PAK4: variants seen among roughly 807,000 people sequenced by gnomAD.
The protein encoded by PAK4 is serine/threonine-protein kinase PAK 4.
Under a neutral mutation model 53.5 loss-of-function variants are expected in PAK4, and 49 were observed. That is an observed-to-expected ratio of 0.92 (90% CI 0.73 to 1.16). The LOEUF (loss-of-function observed/expected upper bound fraction) is 1.16. PAK4 is among the 50% of genes most tolerant of loss of function. The pLI, the probability that PAK4 is intolerant of heterozygous loss-of-function variation, is 0.00. For missense variants in PAK4, 824 were observed against 850.7 expected (o/e 0.97, Z 0.39); for synonymous variants, 376 against 375.6 (o/e 1.00, Z -0.01).
At chr19:39,132,916 GTGT>G (rs2073741378) in intron 1 of PAK4, among the ~76,000 whole-genome samples, 1 of 152,244 alleles carries the variant, frequency 6.6e-6, no homozygotes, top group Admixed American at 6.5e-5. Context: ...GGACAGCTTT[GTGT>G]TGTTGAAAGC....
intron 2 of PAK4, among the ~76,000 whole-genome samples, chr19:39,170,766 G>A (rs920651601): frequency 6.6e-6 from 1 of 152,240 alleles, no homozygotes; most frequent in Non-Finnish European, 1.5e-5. Flanking sequence ...GCCCACTGAG[G>A]GGTCCGTGTG....
At chr19:39,145,378 C>A (rs1357546659) in intron 1 of PAK4, among the ~76,000 whole-genome samples, 1 of 152,194 alleles carries the variant, frequency 6.6e-6, no homozygotes, top group Non-Finnish European at 1.5e-5. Flanking sequence ...ATATTTTGTT[C>A]TTGAGATTTC....
intron 1 of PAK4, among the ~76,000 whole-genome samples, chr19:39,164,839 G>A (rs1427424229): frequency 3.3e-5 from 5 of 152,278 alleles, no homozygotes; most frequent in Non-Finnish European, 7.4e-5. Context: ...CGAGCTCAGC[G>A]TCAGCGTCTG....
chr19:39,169,601 C>T (rs199730416), exon 2 of PAK4: 4 of 1,612,238 alleles, frequency 2.5e-6, no homozygotes, highest in Admixed American at 3.3e-5. Flanking sequence ...CGCCGTCCAA[C>T]TTCGAGCACC....
In PAK4 at chr19:39,178,686, C is replaced by G; in HGVS notation, c.*107C>G. On this transcript the variant is annotated 3_prime_UTR_variant, in exon 9 of 9. Transcript: ENST00000358301. This position sits in a 1 kb window ranked among gnomAD's most constrained non-coding sequence, Gnocchi z 4.4. Reference sequence around the variant, plus strand: ...ACTCCTCCCAGCCCGGGAGATGCTCCGCGTGGCACCACCCTCCTTGCTGGG... The same window carrying G: ...ACTCCTCCCAGCCCGGGAGATGCTCGGCGTGGCACCACCCTCCTTGCTGGG... 7 of 984,270 alleles carry G rather than the reference C, an allele frequency of 7.1e-6. No individual in the cohort carries two copies. The highest frequency in any genetic ancestry group is 1.0e-5 in the Non-Finnish European group (7 of 672,552). The allele number at this position is 984,270 out of a possible 1,614,324, so 61.0% of individuals were successfully genotyped here.
At chr19:39,127,704 A>C (rs1173909004) in intron 1 of PAK4, among the ~76,000 whole-genome samples, 1 of 152,134 alleles carries the variant, frequency 6.6e-6, no homozygotes, top group Non-Finnish European at 1.5e-5. Flanking sequence ...CCAGCCCCCA[A>C]GCCAGTGACA....
In PAK4 at chr19:39,178,667, C is replaced by A; in HGVS notation, c.*88C>A. The A allele has an allele frequency of 8.0e-7, 1 of 1,246,300 alleles. No homozygotes were observed. Among genetic ancestry groups the A allele is most frequent in the Admixed American group, 2.4e-5 (1 of 41,806 alleles). The allele number at this position is 1,246,300 out of a possible 1,614,324, so 77.2% of individuals were successfully genotyped here. On this transcript the variant is annotated 3_prime_UTR_variant, in exon 9 of 9. Transcript: ENST00000358301. This position sits in a 1 kb window ranked among gnomAD's most constrained non-coding sequence, Gnocchi z 4.4. ...GTAGGGGGCCAGGCCTCCCACTCCT[C>A]CCAGCCCGGGAGATGCTCCGCGTGG...
intron 1 of PAK4, among the ~76,000 whole-genome samples, chr19:39,145,783 C>G (rs1461380260): frequency 2.6e-5 from 4 of 152,180 alleles, no homozygotes; most frequent in Admixed American, 2.6e-4. Context: ...ATACTGCCCT[C>G]CCCCTGCGCC....
At chr19:39,174,085 CT>C in intron 4 of PAK4, 75 bp downstream of exon 5, 1 of 946,852 alleles carries the variant, frequency 1.1e-6, no homozygotes, top group Non-Finnish European at 1.6e-6. Flanking sequence ...CTCCTCCCTC[CT>C]CTCCCTGCAC....
At chr19:39,177,858 G>C (rs770802877) in intron 8 of PAK4, 49 bp downstream of exon 9, 42 of 1,575,998 alleles carry the variant, frequency 2.7e-5, no homozygotes, top group Non-Finnish European at 3.5e-5. Flanking sequence ...GCGGGTGGCA[G>C]GGCTCCAGGT....
intron 1 of PAK4, among the ~76,000 whole-genome samples, chr19:39,155,590 G>C (rs1309379958): frequency 6.6e-6 from 1 of 152,182 alleles, no homozygotes; most frequent in Non-Finnish European, 1.5e-5. Context: ...GCTCTGCCTC[G>C]GGCCAGCCTT....
At chr19:39,169,668 T>G (rs2074440081) in exon 2 of PAK4, 2 of 1,613,300 alleles carry the variant, frequency 1.2e-6, no homozygotes, top group Admixed American at 3.3e-5. Context: ...GCCCCGCCAG[T>G]GGCAGAGCCT....
intron 1 of PAK4, among the ~76,000 whole-genome samples, chr19:39,164,503 A>G (rs2074337679): frequency 6.6e-6 from 1 of 152,088 alleles, no homozygotes; most frequent in African/African-American, 2.4e-5. Context: ...AGGTGGAACC[A>G]TGTCTAGGAT....
chr19:39,178,297 A>T lies in PAK4; in HGVS notation c.1621-127A>T. 1.1e-6 allele frequency: 1 copy of T among 914,870 alleles called. No homozygotes were observed. The allele number at this position is 914,870 out of a possible 1,614,324, so 56.7% of individuals were successfully genotyped here. Reference sequence around the variant, plus strand: ...ACACCCCAAGATCTAGACACCCATGACCTCCGCCCCCTGCCCTCCTGCACA... The same window carrying T: ...ACACCCCAAGATCTAGACACCCATGTCCTCCGCCCCCTGCCCTCCTGCACA... On this transcript the variant is annotated intron_variant, in intron 8 of 8. Transcript: ENST00000358301. This position sits in a 1 kb window ranked among gnomAD's most constrained non-coding sequence, Gnocchi z 4.4.
At chr19:39,136,858 A>G (rs999363525) in intron 1 of PAK4, among the ~76,000 whole-genome samples, 6 of 152,282 alleles carry the variant, frequency 3.9e-5, no homozygotes, top group African/African-American at 1.4e-4. Flanking sequence ...GGTTTTCCTG[A>G]GGAGGAAATG....
chr19:39,149,623 G>A (rs572401808), intron 1 of PAK4, among the ~76,000 whole-genome samples: 4 of 152,154 alleles, frequency 2.6e-5, no homozygotes, highest in Non-Finnish European at 5.9e-5. Flanking sequence ...TTGGGAGGCC[G>A]AGGCTGGCAG....
At chr19:39,138,072 C>T (rs2073849904) in intron 1 of PAK4, among the ~76,000 whole-genome samples, 1 of 151,898 alleles carries the variant, frequency 6.6e-6, no homozygotes, top group Non-Finnish European at 1.5e-5. Context: ...GCCTCCACCT[C>T]CTGGGTTCAA....
intron 1 of PAK4, among the ~76,000 whole-genome samples, chr19:39,141,919 G>GC (rs2073917152): frequency 6.6e-6 from 1 of 152,202 alleles, no homozygotes; most frequent in Non-Finnish European, 1.5e-5. Flanking sequence ...GAGCCACGGC[G>GC]CCCGGCCCAT....
chr19:39,147,841 GTTTT>G (rs35845376), intron 1 of PAK4, among the ~76,000 whole-genome samples: 1 of 13,238 alleles, frequency 7.6e-5, no homozygotes, highest in Non-Finnish European at 1.5e-4. Flanking sequence ...TTGTTTTCGG[GTTTT>G]TTTTTTTTTT....
Sources: gnomAD v4.1 joint callset for allele counts (sites outside exome capture counted in the v4.1 genomes callset) on GRCh38, gnomAD v4.1.1 for gene constraint, Gnocchi (gnomAD v3.1) non-coding constraint, MANE v1.5 for transcripts, NCBI Gene and HGNC (gene_info 2026-07-23, HGNC 2026-07-21) for gene names.